SPEF2: variants seen among roughly 807,000 people sequenced by gnomAD.
SPEF2 encodes sperm flagellar and cilia associated 2, also known as sperm flagella and cilia-associated protein 2.
Under a neutral mutation model 224.6 loss-of-function variants are expected in SPEF2, and 187 were observed. The ratio of observed to expected loss-of-function variants is 0.83; its 90% CI spans 0.74 to 0.94. The LOEUF (loss-of-function observed/expected upper bound fraction) is 0.94. Among genes scored for constraint, SPEF2 ranks in the 40% least tolerant of loss-of-function variants. The probability of loss-of-function intolerance (pLI) is 0.00; values close to 1 mark genes in which losing one functional copy is unlikely to be tolerated. For synonymous variants in SPEF2, 715 were observed against 707.3 expected, an observed-to-expected ratio of 1.01 and a Z score of -0.17; for missense variants, 2,170 against 2,135.6, an observed-to-expected ratio of 1.02 and a Z score of -0.32.
intron 19 of SPEF2, 129 bp from the exon 20 acceptor site, chr5:35,712,683 G>C: frequency 1.2e-6 from 1 of 833,696 alleles, no homozygotes; most frequent in South Asian, 1.8e-5. Context: ...GTAAAAACCT[G>C]AGCCATTTTA....
intron 10 of SPEF2, among the ~76,000 whole-genome samples, chr5:35,685,176 G>A (rs980525437): frequency 1.3e-5 from 2 of 152,034 alleles, no homozygotes; most frequent in Admixed American, 1.3e-4. Context: ...TATAGAAGTG[G>A]CAGTCAAATA....
At position 35,795,742 on chromosome 5, in the gene SPEF2, C is replaced by T. The variant is rs760399815; in HGVS notation, c.4777C>T (p.Pro1593Ser). ...TACAGGAGATGAAGATATAAAAATT[C>T]CAGAAAATCCTCTTGAACCCCTTCC... The part of the protein sequence containing the change: ...WFTGDEDIKI[P>S]ENPLEPLPFN... Residue 1593 changes from proline (P) to serine (S), a missense_variant, in exon 33 of 37, where the codon CCA (proline) becomes TCA (serine). Pro to Ser is a moderately conservative substitution (Grantham distance 74). Coordinates refer to ENST00000356031, the MANE Select transcript of SPEF2 (RefSeq NM_024867.4). The T allele has an allele frequency of 6.2e-7, 1 of 1,613,914 alleles. No individual in the cohort carries two copies. The highest frequency in any genetic ancestry group is 1.7e-5 in the Admixed American group (1 of 59,994).
intron 9 of SPEF2, among the ~76,000 whole-genome samples, chr5:35,669,206 C>A (rs971348166): frequency 6.6e-6 from 1 of 152,044 alleles, no homozygotes; most frequent in East Asian, 1.9e-4. Context: ...CTTAGCATAA[C>A]GTCTTCAAGG....
At chr5:35,778,203 A>G (rs1261720246) in intron 29 of SPEF2, among the ~76,000 whole-genome samples, 1 of 152,192 alleles carries the variant, frequency 6.6e-6, no homozygotes, top group East Asian at 1.9e-4. Flanking sequence ...CTTTCATTGT[A>G]ATATATAAAC....
chr5:35,764,603 A>T (rs144874641), intron 26 of SPEF2: 1 of 456,100 alleles, frequency 2.2e-6, no homozygotes, highest in African/African-American at 2.0e-5. Flanking sequence ...TCGAGTTTCC[A>T]TGAAATATCG....
Position 35,712,907 on chromosome 5 carries a change from T to C in SPEF2, c.2914+21T>C, listed in dbSNP as rs779272226. 9 of 1,595,454 alleles carry C rather than the reference T, an allele frequency of 5.6e-6. No homozygotes were observed. The South Asian group carries it at 8.9e-5, about 16-fold the overall frequency. On this transcript the variant is annotated intron_variant, in intron 20 of 36. Coordinates refer to ENST00000356031, the MANE Select transcript of SPEF2 (RefSeq NM_024867.4). ...AAAAGGTACAGCAGATAAAAATATA[T>C]ATAATTACATGTAATTCTGCATTTT...
intron 2 of SPEF2, among the ~76,000 whole-genome samples, chr5:35,634,287 G>A (rs538633824): frequency 3.5e-4 from 53 of 152,132 alleles, no homozygotes; most frequent in Middle Eastern, 3.4e-3. Flanking sequence ...TTCTTGATTT[G>A]CAGTTTTTCT....
chr5:35,659,026 A>G lies in SPEF2; in HGVS notation c.986A>G (p.Tyr329Cys). The G allele has an allele frequency of 6.4e-7, 1 of 1,558,848 alleles. No individual in the cohort carries two copies. The highest frequency in any genetic ancestry group is 8.7e-7 in the Non-Finnish European group (1 of 1,148,772). ...TTCCCCTGGTGTTTTCAGGAGGCTT[A>G]TCGGGAGGAACAGCTGATTAACCGG... The part of the protein sequence containing the change: ...LIAHEAQEEA[Y>C]REEQLINRLM... Residue 329 changes from tyrosine (Y) to cysteine (C), a missense_variant, in exon 8 of 37, where the codon TAT becomes TGT. Transcript: ENST00000356031.
intron 30 of SPEF2, among the ~76,000 whole-genome samples, chr5:35,782,549 T>C (rs1016230151): frequency 6.6e-6 from 1 of 152,182 alleles, no homozygotes; most frequent in Non-Finnish European, 1.5e-5. Flanking sequence ...AAAGCACTGA[T>C]GTTACTAAAT....
Position 35,715,816 on chromosome 5 carries a change from C to CCTTTTTTTTTTTTTTTTTTTTTTTTTTTT in SPEF2, c.2914+2930_2914+2931insCTTTTTTTTTTTTTTTTTTTTTTTTTTTT, listed in dbSNP as rs70973054. Among the ~76,000 whole-genome samples the CCTTTTTTTTTTTTTTTTTTTTTTTTTTTT allele has an allele frequency of 3.1e-4, 36 of 117,936 alleles. 14 individuals are homozygous for CCTTTTTTTTTTTTTTTTTTTTTTTTTTTT. Among genetic ancestry groups the CCTTTTTTTTTTTTTTTTTTTTTTTTTTTT allele is most frequent in the Non-Finnish European group, 4.4e-4 (26 of 58,974 alleles). The allele number at this position is 117,936 out of a possible 152,430, so 77.4% of individuals were successfully genotyped here. ...TCTGTGAAATAGGGGGATATAATTT[C>CCTTTTTTTTTTTTTTTTTTTTTTTTTTTT]TTTTTTTTTTTTTTTTTGAGACAGA... On this transcript the variant is annotated intron_variant, in intron 20 of 36. Transcript: ENST00000356031.
intron 20 of SPEF2, among the ~76,000 whole-genome samples, chr5:35,724,336 T>A (rs1744260956): frequency 1.3e-5 from 2 of 152,194 alleles, no homozygotes; most frequent in Non-Finnish European, 2.9e-5. Flanking sequence ...TTTCTGCTCT[T>A]AAGTACGAGT....
chr5:35,696,105 A>G (rs1755275454), intron 14 of SPEF2, among the ~76,000 whole-genome samples: 1 of 152,162 alleles, frequency 6.6e-6, no homozygotes, highest in Non-Finnish European at 1.5e-5. Context: ...TATTTCGCTC[A>G]TACCCTCTTT....
chr5:35,802,373 C>T (rs1478255679), intron 34 of SPEF2, among the ~76,000 whole-genome samples: 1 of 152,164 alleles, frequency 6.6e-6, no homozygotes, highest in Non-Finnish European at 1.5e-5. Flanking sequence ...TTCACTGCTT[C>T]CACAAACATT....
At chr5:35,764,620 A>C (rs1436879732) in intron 26 of SPEF2, 1 of 456,200 alleles carries the variant, frequency 2.2e-6, no homozygotes, top group East Asian at 7.0e-5. Flanking sequence ...ATCGCATTCA[A>C]ACAGAAAGCA....
chr5:35,792,596 C>T (rs1756117159), intron 31 of SPEF2, 150 bp downstream of exon 31: 1 of 611,140 alleles, frequency 1.6e-6, no homozygotes, highest in African/African-American at 1.9e-5. Context: ...GAATGAACTT[C>T]CAATTAAAAC....
chr5:35,757,860 A>G (rs1750677017), intron 24 of SPEF2, among the ~76,000 whole-genome samples: 1 of 152,252 alleles, frequency 6.6e-6, no homozygotes, highest in Non-Finnish European at 1.5e-5. Flanking sequence ...GACAATACAT[A>G]AATGGTACTT....
At chr5:35,779,056 A>T (rs938545146) in intron 29 of SPEF2, 61 bp from the exon 30 acceptor site, 3 of 1,307,534 alleles carry the variant, frequency 2.3e-6, no homozygotes, top group African/African-American at 3.0e-5. Context: ...CTTATAAGCA[A>T]ACTTTATTAA....
intron 23 of SPEF2, among the ~76,000 whole-genome samples, chr5:35,751,036 C>CATATGTGTATATATATACGTATAT (rs1561305015): frequency 3.8e-5 from 1 of 26,622 alleles, no homozygotes; most frequent in African/African-American, 1.0e-4. Context: ...TATATATATA[C>CATATGTGTATATATATACGTATAT]ACATATGTAT....
intron 28 of SPEF2, among the ~76,000 whole-genome samples, chr5:35,774,299 A>G (rs538115307): frequency 6.6e-6 from 1 of 152,318 alleles, no homozygotes; most frequent in Admixed American, 6.5e-5. Context: ...GGGTTAGAAA[A>G]AGCAATAGCA....
Sources: allele counts gnomAD v4.1 joint callset (sites outside exome capture counted in the v4.1 genomes callset), GRCh38; gene constraint gnomAD v4.1.1; transcripts MANE v1.5; gene names NCBI Gene and HGNC (gene_info 2026-07-23, HGNC 2026-07-21).